RAB33A: variants seen among roughly 807,000 people sequenced by gnomAD.
RAB33A encodes RAB33A, member RAS oncogene family.
Under a neutral mutation model 12.0 loss-of-function variants are expected in RAB33A, and 6 were observed. The ratio of observed to expected loss-of-function variants is 0.50; its 90% CI spans 0.27 to 0.99. RAB33A has a LOEUF of 0.99. Ranked by LOEUF, RAB33A falls within the 50% of genes least tolerant of loss-of-function variation. RAB33A has a pLI of 0.11. For synonymous variants in RAB33A, 70 were observed against 82.4 expected (o/e 0.85, Z 0.81); for missense variants, 109 against 192.0 (o/e 0.57, Z 2.55).
chrX:130,152,092 G>GGAAGA, the RAB33A span, among the ~76,000 whole-genome samples: 18 of 105,200 alleles, frequency 1.7e-4, no homozygotes, highest in Admixed American at 3.1e-4. Flanking sequence ...TCCAAAAAAG[G>GGAAGA]GAAGAGAAGA....
the RAB33A span, among the ~76,000 whole-genome samples, chrX:130,144,436 T>C: frequency 1.8e-5 from 2 of 112,365 alleles, no homozygotes; most frequent in Admixed American, 1.9e-4. Flanking sequence ...TGCCACTTCC[T>C]AACTTGTACC....
chrX:130,183,520 A>C (rs1229361072), intron 1 of RAB33A, among the ~76,000 whole-genome samples: 2 of 109,532 alleles, frequency 1.8e-5, no homozygotes, highest in Non-Finnish European at 3.8e-5. Flanking sequence ...GCGCCACTGC[A>C]CCCCAGCCTG....
At chrX:130,129,770 G>A in the RAB33A span, 1 of 744,097 alleles carries the variant, frequency 1.3e-6, no homozygotes, top group Non-Finnish European at 2.1e-6. Flanking sequence ...CCCCAAACAA[G>A]CAGCCTGCCA....
upstream of RAB33A, among the ~76,000 whole-genome samples, chrX:130,171,013 C>T (rs1206878274): frequency 2.6e-5 from 3 of 113,293 alleles, no homozygotes; most frequent in South Asian, 7.1e-4. Context: ...ACACAACCGA[C>T]TGCGGCAGCC....
the RAB33A span, chrX:130,129,673 C>T: frequency 4.8e-5 from 53 of 1,115,453 alleles, no homozygotes; most frequent in Middle Eastern, 4.8e-4. Context: ...TACTCCATTG[C>T]GTTCAGGCCA....
chrX:130,139,724 C>T, the RAB33A span: 1 of 1,028,794 alleles, frequency 9.7e-7, no homozygotes, highest in Non-Finnish European at 1.4e-6. Context: ...CCCGGGTGGG[C>T]ACTTGGGGAC....
At chrX:130,164,425 C>G in the RAB33A span, among the ~76,000 whole-genome samples, 4 of 112,554 alleles carry the variant, frequency 3.6e-5, no homozygotes, top group Admixed American at 9.4e-5. Flanking sequence ...CCTAACAACC[C>G]AAGGAAAATA....
chrX:130,121,544 T>TC, the RAB33A span, among the ~76,000 whole-genome samples: 1 of 112,103 alleles, frequency 8.9e-6, no homozygotes, highest in Non-Finnish European at 1.9e-5. Context: ...TGCTCCCGCC[T>TC]CCCCTCTTCC....
the RAB33A span, among the ~76,000 whole-genome samples, chrX:130,155,857 C>T: frequency 9.0e-6 from 1 of 111,678 alleles, no homozygotes; most frequent in Admixed American, 9.6e-5. Flanking sequence ...GATCGGAGTT[C>T]ATTTAAGGAG....
chrX:130,138,757 A>C, the RAB33A span: 1 of 838,901 alleles, frequency 1.2e-6, no homozygotes, highest in Non-Finnish European at 1.8e-6. Flanking sequence ...TAGGATAATA[A>C]TACTAGAAAG....
the RAB33A span, chrX:130,136,290 T>C: frequency 4.0e-6 from 4 of 990,637 alleles, no homozygotes; most frequent in Non-Finnish European, 5.6e-6. Flanking sequence ...CTTTAAAAAA[T>C]CATGGGTTAA....
At chrX:130,116,342 C>G in the RAB33A span, among the ~76,000 whole-genome samples, 3 of 110,339 alleles carry the variant, frequency 2.7e-5, no homozygotes, top group Non-Finnish European at 5.7e-5. Flanking sequence ...CATCCAGGCT[C>G]GAGTGCAGTG....
At chrX:130,121,382 C>T in the RAB33A span, among the ~76,000 whole-genome samples, 1 of 108,498 alleles carries the variant, frequency 9.2e-6, no homozygotes, top group African/African-American at 3.4e-5. Context: ...TCCGGAGTAG[C>T]TCGAATTACA....
At chrX:130,116,833 C>T in the RAB33A span, among the ~76,000 whole-genome samples, 1 of 112,441 alleles carries the variant, frequency 8.9e-6, no homozygotes, top group Non-Finnish European at 1.9e-5. Flanking sequence ...GCACCACCCT[C>T]ATAGGCTGGG....
At chrX:130,147,323 T>A in the RAB33A span, among the ~76,000 whole-genome samples, 1 of 112,206 alleles carries the variant, frequency 8.9e-6, no homozygotes. Flanking sequence ...CCAGGACTCT[T>A]GCCCTTTGTA....
chrX:130,172,237 G>T lies in RAB33A; in HGVS notation c.175G>T (p.Gly59Cys). 1 of 1,212,346 alleles carries T rather than the reference G, an allele frequency of 8.2e-7. No homozygotes were observed. ...KTCLTFRFCG[G>C]TFPDKTEATI... is the part of the protein sequence containing the mutation. ...CTGCCTGACCTTCCGCTTCTGCGGG[G>T]GTACCTTCCCAGACAAGACTGAAGC... Residue 59 changes from glycine to cysteine, a missense_variant, in exon 1 of 2, where the codon GGT becomes TGT. By Grantham distance (159) the Gly-to-Cys change is radical. Transcript: ENST00000257017.
At chrX:130,125,376 G>A in the RAB33A span, among the ~76,000 whole-genome samples, 1 of 111,565 alleles carries the variant, frequency 9.0e-6, no homozygotes, top group Non-Finnish European at 1.9e-5. Context: ...ACTGGCTTGG[G>A]CTGAGTGTAT....
chrX:130,130,097 G>A, the RAB33A span: 30 of 1,209,901 alleles, frequency 2.5e-5, no homozygotes, highest in East Asian at 5.9e-5. Context: ...TGGAACTGCC[G>A]GGGTGCTGGG....
the RAB33A span, among the ~76,000 whole-genome samples, chrX:130,146,379 G>A: frequency 3.8e-4 from 42 of 110,117 alleles, no homozygotes; most frequent in Admixed American, 3.9e-3. Context: ...AGGAGTTTGA[G>A]GCTGCAGTGA....
Sources: allele counts gnomAD v4.1 joint callset (sites outside exome capture counted in the v4.1 genomes callset), GRCh38; gene constraint gnomAD v4.1.1; transcripts MANE v1.5; gene names NCBI Gene and HGNC (gene_info 2026-07-23, HGNC 2026-07-21).